The following SLC43A2 variants were observed in gnomAD, a reference collection of about 807,000 sequenced individuals.
SLC43A2 encodes solute carrier family 43 member 2.
SLC43A2 carries 38 observed loss-of-function variants against 63.2 expected under a neutral mutation model. The observed-to-expected ratio is 0.60, with a 90% CI of 0.46 to 0.79. The LOEUF (loss-of-function observed/expected upper bound fraction) is 0.79. SLC43A2 is among the 30% of genes least tolerant of loss of function. SLC43A2 has a pLI of 0.00. For synonymous variants in SLC43A2, 322 were observed against 331.0 expected (o/e 0.97, Z 0.30); for missense variants, 644 against 756.2 (o/e 0.85, Z 1.74).
At chr17:1,614,010 G>A (rs1013408439) in intron 4 of SLC43A2, among the ~76,000 whole-genome samples, 1 of 152,168 alleles carries the variant, frequency 6.6e-6, no homozygotes, top group Non-Finnish European at 1.5e-5. Context: ...TTGGGAGGCT[G>A]AGGCAGGTGG....
At chr17:1,624,769 T>C (rs1908507242) in intron 2 of SLC43A2, among the ~76,000 whole-genome samples, 1 of 151,688 alleles carries the variant, frequency 6.6e-6, no homozygotes, top group African/African-American at 2.4e-5. Context: ...CGCACACTTG[T>C]AGTCCCAGCT....
intron 6 of SLC43A2, 40 bp from the exon 7 acceptor site, chr17:1,591,739 G>GGGGGGGGGGGGGGGGGGGC: frequency 2.0e-6 from 1 of 512,308 alleles, no homozygotes; most frequent in Non-Finnish European, 3.9e-6. Flanking sequence ...GGGGGAGGGG[G>GGGGGGGGGGGGGGGGGGGC]CAGAGTTAGC....
Position 1,583,524 on chromosome 17 carries a change from C to CCACTGAG in SLC43A2, c.1218-189_1218-188insCTCAGTG. The CCACTGAG allele has an allele frequency of 3.2e-6, 3 of 942,668 alleles. No individual in the cohort carries two copies. The highest frequency in any genetic ancestry group is 4.6e-6 in the Non-Finnish European group (3 of 657,720). The allele number at this position is 942,668 out of a possible 1,614,324, so 58.4% of individuals were successfully genotyped here. ...GACACTCCCCGGCCCTTCTCAGTGGCAAGCTGAGTGTGACTCTCGGAGGGG... is the reference window on the plus strand; with the variant it reads ...GACACTCCCCGGCCCTTCTCAGTGGCCACTGAGAAGCTGAGTGTGACTCTCGGAGGGG... On this transcript the variant is annotated intron_variant, in intron 10 of 13. Transcript: ENST00000301335. The surrounding 1 kb of genome is among the most constrained non-coding windows in gnomAD (Gnocchi z 5.5).
chr17:1,599,012 A>G (rs951693523), intron 5 of SLC43A2, among the ~76,000 whole-genome samples: 4 of 152,182 alleles, frequency 2.6e-5, no homozygotes, highest in South Asian at 2.1e-4. Flanking sequence ...CTTCAAACCA[A>G]CACTGACATC....
intron 5 of SLC43A2, among the ~76,000 whole-genome samples, chr17:1,612,602 TTGTCTTCC>T (rs1266942758): frequency 6.6e-6 from 1 of 152,228 alleles, no homozygotes; most frequent in African/African-American, 2.4e-5. Context: ...CGGCAGCGTT[TTGTCTTCC>T]TGCCTCTGCC....
chr17:1,581,440 A>G (rs748578357), intron 11 of SLC43A2, among the ~76,000 whole-genome samples: 1 of 152,214 alleles, frequency 6.6e-6, no homozygotes, highest in East Asian at 1.9e-4. Context: ...GGGCCGGCAC[A>G]AATGTTCCAC....
intron 4 of SLC43A2, 51 bp from the exon 5 acceptor site, chr17:1,613,322 G>A (rs1223971921): frequency 6.4e-7 from 1 of 1,574,056 alleles, no homozygotes; most frequent in Non-Finnish European, 8.7e-7. Flanking sequence ...GAGCTCCAGG[G>A]AAGCCGGGAC....
At chr17:1,576,244 T>C (rs1008814710) in intron 13 of SLC43A2, among the ~76,000 whole-genome samples, 3 of 151,954 alleles carry the variant, frequency 2.0e-5, no homozygotes, top group African/African-American at 2.4e-5. Flanking sequence ...CCACCACACC[T>C]GGCTAATTTT....
chr17:1,627,332 C>T (rs1908745420), intron 2 of SLC43A2, among the ~76,000 whole-genome samples: 2 of 152,132 alleles, frequency 1.3e-5, no homozygotes, highest in South Asian at 2.1e-4. Flanking sequence ...ATCTGGAGTT[C>T]CTCTTTCTCA....
intron 2 of SLC43A2, among the ~76,000 whole-genome samples, chr17:1,617,650 C>T (rs1907801796): frequency 1.3e-5 from 2 of 152,214 alleles, no homozygotes; most frequent in Non-Finnish European, 2.9e-5. Flanking sequence ...CTCTGCCTCC[C>T]AAAGTGCTGG....
intron 5 of SLC43A2, among the ~76,000 whole-genome samples, chr17:1,597,454 A>C (rs1463421405): frequency 1.4e-5 from 2 of 147,772 alleles, no homozygotes; most frequent in Non-Finnish European, 3.0e-5. Context: ...GCAGTGAGCC[A>C]AGATTGTGCC....
chr17:1,597,498 C>CAAAAAAA (rs71148498), intron 5 of SLC43A2, among the ~76,000 whole-genome samples: 1 of 131,418 alleles, frequency 7.6e-6, no homozygotes, highest in Non-Finnish European at 1.6e-5. Flanking sequence ...GAGCAAGACT[C>CAAAAAAA]AAAAAAAAAA....
chr17:1,599,241 G>A (rs1266344051), intron 5 of SLC43A2, among the ~76,000 whole-genome samples: 1 of 152,064 alleles, frequency 6.6e-6, no homozygotes, highest in Non-Finnish European at 1.5e-5. Context: ...TTGGGAGGCT[G>A]AAGCAGGAGG....
intron 5 of SLC43A2, chr17:1,604,591 G>T: frequency 1.3e-6 from 1 of 770,100 alleles, no homozygotes; most frequent in Non-Finnish European, 2.1e-6. Context: ...ACGCTATTGT[G>T]CAGAACTCCT....
At chr17:1,615,097 G>C (rs1907473239) in intron 3 of SLC43A2, 63 bp from the exon 4 acceptor site, 1 of 1,589,790 alleles carries the variant, frequency 6.3e-7, no homozygotes, top group Non-Finnish European at 8.6e-7. Context: ...TTATTGTTTT[G>C]TTTTTGTTTT....
Position 1,616,736 on chromosome 17 carries a change from G to GCTGTGCCGCCCA in SLC43A2, c.182_193dup (p.Val61_Thr64dup). ...GCTCACCTCCTCGTGCCCCGGCTCT[G>GCTGTGCCGCCCA]CTGTGCCGCCCACTGTGCCATTGGT... On this transcript the variant is annotated inframe_insertion, in exon 3 of 14. Transcript: ENST00000301335. 6.2e-7 allele frequency: 1 copy of GCTGTGCCGCCCA among 1,614,072 alleles called. No individual in the cohort carries two copies.
intron 4 of SLC43A2, among the ~76,000 whole-genome samples, chr17:1,614,218 G>A (rs546402582): frequency 5.3e-5 from 8 of 152,042 alleles, no homozygotes; most frequent in East Asian, 1.9e-4. Flanking sequence ...ACTCCAGCCC[G>A]GGCGACAGAG....
intron 5 of SLC43A2, among the ~76,000 whole-genome samples, chr17:1,612,804 T>G (rs1694616368): frequency 6.6e-6 from 1 of 152,192 alleles, no homozygotes; most frequent in Admixed American, 6.5e-5. Flanking sequence ...AAACCCCATG[T>G]GTACTAAAAA....
intron 5 of SLC43A2, chr17:1,604,660 C>G (rs1054463214): frequency 6.9e-7 from 1 of 1,456,400 alleles, no homozygotes; most frequent in Non-Finnish European, 9.3e-7. Flanking sequence ...AGGGGGATAC[C>G]ACAATGCCCA....
Sources: gnomAD v4.1 joint callset for allele counts (sites outside exome capture counted in the v4.1 genomes callset) on GRCh38, gnomAD v4.1.1 for gene constraint, Gnocchi (gnomAD v3.1) non-coding constraint, MANE v1.5 for transcripts, NCBI Gene and HGNC (gene_info 2026-07-23, HGNC 2026-07-21) for gene names.